Variants in PCNX3 observed in about 807,000 individuals in gnomAD.
The protein encoded by PCNX3 is pecanex 3, also known as pecanex-like protein 3.
In PCNX3, 58 loss-of-function variants were observed where a neutral mutation model predicts 207.2. That is an observed-to-expected ratio of 0.28 (90% CI 0.23 to 0.35). The LOEUF (loss-of-function observed/expected upper bound fraction) is 0.35, where lower values mean the gene tolerates loss of function less well. Among genes scored for constraint, PCNX3 ranks in the 10% least tolerant of loss-of-function variants. The pLI, the probability that PCNX3 is intolerant of heterozygous loss-of-function variation, is 1.00. For missense variants in PCNX3, 2,410 were observed against 2,774.4 expected (o/e 0.87, Z 2.95); for synonymous variants, 1,337 against 1,183.5 (o/e 1.13, Z -2.66).
At chr11:65,630,793 A>T (rs1285096557) in intron 27 of PCNX3, among the ~76,000 whole-genome samples, 189 bp downstream of exon 27, 1 of 152,190 alleles carries the variant, frequency 6.6e-6, no homozygotes, top group Non-Finnish European at 1.5e-5. Flanking sequence ...CTCTGTGCCC[A>T]TATGGCTCTG....
Position 65,630,342 on chromosome 11 carries a change from C to T in PCNX3, c.4217-9C>T, listed in dbSNP as rs375097774. 49 of 1,612,374 alleles carry T rather than the reference C, an allele frequency of 3.0e-5. No individual in the cohort carries two copies. The African/African-American group carries it at 4.7e-4, about 15-fold the overall frequency. On this transcript the variant is annotated splice_polypyrimidine_tract_variant and intron_variant, in intron 26 of 34. Transcript: ENST00000355703. The stretch of plus-strand genomic sequence containing the variant: ...TAGCAGCCCCTGACTGCACACCCCT[C>T]CTCCACAGGCACTTACTGCCAGCAG...
intron 3 of PCNX3, 52 bp from the exon 4 acceptor site, chr11:65,617,418 C>T: frequency 6.2e-7 from 1 of 1,613,808 alleles, no homozygotes; most frequent in Non-Finnish European, 8.5e-7. Flanking sequence ...TGGGTGCATC[C>T]TGAGCCTACT....
rs781436467 is a variant in PCNX3 at position 65,628,896 on chromosome 11, G to A, written c.3889G>A (p.Val1297Ile). 1.1e-5 allele frequency: 17 copies of A among 1,612,632 alleles called. No homozygotes were observed. The highest frequency in any genetic ancestry group is 4.0e-5 in the African/African-American group (3 of 75,038). Residue 1297 changes from valine to isoleucine, a missense_variant, in exon 24 of 35, where the codon GTC (valine) becomes ATC (isoleucine). Val to Ile is a conservative substitution (Grantham distance 29). Around this residue, in one of 8 missense-constraint regions of PCNX3, gnomAD observed 420 missense variants for 705.3 expected, o/e 0.60. Coordinates refer to ENST00000355703, the MANE Select transcript of PCNX3 (RefSeq NM_032223.4). ...TCTCAACCCACTGCTAGGCAGTGCC[G>A]TCTTCATCATGTCCTACGCTCGGCC... ...TPLNPLLGSA[V>I]FIMSYARPLK...
chr11:65,620,997 G>A (rs1374374776), intron 10 of PCNX3, 31 bp downstream of exon 10: 19 of 1,508,274 alleles, frequency 1.3e-5, no homozygotes, highest in Admixed American at 2.0e-5. Flanking sequence ...GGCCGTGCCA[G>A]TGGGGCGTGA....
Position 65,623,913 on chromosome 11 carries a change from G to A in PCNX3, c.2512-16G>A, listed in dbSNP as rs1453220777. The A allele has an allele frequency of 1.2e-6, 2 of 1,612,654 alleles. No homozygotes were observed. The highest frequency in any genetic ancestry group is 1.7e-6 in the Non-Finnish European group (2 of 1,179,876). Reference sequence around the variant, plus strand: ...GGCATCGGCTCTAGTTGCCAACGTAGCCCTGTCTCTTCCAGAGCGTGCAGC... The same window carrying A: ...GGCATCGGCTCTAGTTGCCAACGTAACCCTGTCTCTTCCAGAGCGTGCAGC... On this transcript the variant is annotated splice_polypyrimidine_tract_variant and intron_variant, in intron 12 of 34. Coordinates refer to ENST00000355703, the MANE Select transcript of PCNX3 (RefSeq NM_032223.4).
intron 27 of PCNX3, among the ~76,000 whole-genome samples, chr11:65,633,351 T>G (rs1855690733): frequency 6.6e-6 from 1 of 152,212 alleles, no homozygotes; most frequent in Non-Finnish European, 1.5e-5. Flanking sequence ...TGCCCGTGGC[T>G]TTTTTCTGAG....
rs1392161587 is a variant in PCNX3, at chr11:65,627,003, T to G, written c.3479T>G (p.Val1160Gly). Residue 1160 changes from valine to glycine, a missense_variant, in exon 21 of 35, where the codon GTG becomes GGG. This residue lies in a region of PCNX3 where 333 missense variants were observed against 386.8 expected (regional missense o/e 0.86). Coordinates refer to ENST00000355703, the MANE Select transcript of PCNX3 (RefSeq NM_032223.4). ...GCCGTGGTGCTCAACGCCCTCACGG[T>G]GGACGCCCACACAGTCGTCAGCCAC... Reference protein sequence around the residue: ...YPAVVLNALTVDAHTVVSHPD... With the variant: ...YPAVVLNALTGDAHTVVSHPD... 1 of 1,547,788 alleles carries G rather than the reference T, an allele frequency of 6.5e-7. No homozygotes were observed. The highest frequency in any genetic ancestry group is 2.4e-5 in the East Asian group (1 of 41,058).
At chr11:65,626,633 A>C in intron 20 of PCNX3, 2 of 516,024 alleles carry the variant, frequency 3.9e-6, no homozygotes, top group Non-Finnish European at 3.5e-6. Context: ...AGCCTGCTGT[A>C]CGTAGGTGTT....
chr11:65,626,271 G>T (rs1230737362), intron 20 of PCNX3: 7 of 721,486 alleles, frequency 9.7e-6, no homozygotes, highest in Non-Finnish European at 1.7e-5. Flanking sequence ...TCCCTTGCCT[G>T]TGTTGCCCTG....
Position 65,616,271 on chromosome 11 carries a change from A to C in PCNX3, c.-41A>C. The C allele has an allele frequency of 6.7e-7, 1 of 1,492,620 alleles. No homozygotes were observed. The allele number at this position is 1,492,620 out of a possible 1,614,324, so 92.5% of individuals were successfully genotyped here. A position where few individuals can be genotyped will look rare whatever the true frequency, so the allele number is the denominator to read the frequency against. ...GCATGGGCCGGGGGCCGCCCCCATG[A>C]GGGTCCCGGGAGGGGGGGCGCGGGC... is the stretch of plus-strand genomic sequence containing the variant. On this transcript the variant is annotated 5_prime_UTR_variant, in exon 1 of 35. It removes the in-frame stop codon of an upstream open reading frame in the 5' UTR. Coordinates refer to ENST00000355703, the MANE Select transcript of PCNX3 (RefSeq NM_032223.4).
chr11:65,620,291 G>A (rs773760123), intron 8 of PCNX3, 48 bp from the exon 9 acceptor site: 32 of 1,565,778 alleles, frequency 2.0e-5, no homozygotes, highest in Non-Finnish European at 2.8e-5. Flanking sequence ...CCGGGCCTTG[G>A]TGCTTCTGTC....
rs779880499 is a variant in PCNX3 at position 65,634,320 on chromosome 11, C to T, written c.4665C>T (p.Leu1555=). ...LSLPSFCAVH[L]EWIQYCASRR... ...TGCCCTCCTTTTGTGCTGTGCACCT[C>T]GAGTGGATCCAGTACTGCGCCTCCC... is the stretch of plus-strand genomic sequence containing the variant. Residue 1555 remains leucine, a synonymous_variant, in exon 28 of 35, where the codon CTC becomes CTT. Coordinates refer to ENST00000355703, the MANE Select transcript of PCNX3 (RefSeq NM_032223.4). 19 of 1,603,698 alleles carry T rather than the reference C, an allele frequency of 1.2e-5. No individual in the cohort carries two copies. The African/African-American group carries it at 1.2e-4, about 10-fold the overall frequency.
At position 65,637,306 on chromosome 11, in the gene PCNX3, G is replaced by T; in HGVS notation, c.*328G>T. The T allele has an allele frequency of 3.1e-6, 1 of 323,488 alleles. No individual in the cohort carries two copies. The highest frequency in any genetic ancestry group is 5.2e-5 in the East Asian group (1 of 19,298). The allele number at this position is 323,488 out of a possible 1,614,324, so 20.0% of individuals were successfully genotyped here. A position where few individuals can be genotyped will look rare whatever the true frequency, so the allele number is the denominator to read the frequency against. On this transcript the variant is annotated 3_prime_UTR_variant, in exon 35 of 35. Coordinates refer to ENST00000355703, the MANE Select transcript of PCNX3 (RefSeq NM_032223.4). ...CTGGGCCTGCACTGCCTGCAGGTGT[G>T]GCCCCCTTGGCCTGGACCTGGGGCC...
chr11:65,617,681 G>A lies in PCNX3; in HGVS notation c.552G>A (p.Leu184=). The change falls in exon 5 of 35, where the codon CTG becomes CTA. Residue 184 remains leucine, a synonymous_variant. Coordinates refer to ENST00000355703, the MANE Select transcript of PCNX3 (RefSeq NM_032223.4). Reference sequence around the variant, plus strand: ...TGACTTCTGCCGACCGAGAGATGCTGAAGCTCAGCTCGCAGGAGAAACTGA... The same window carrying A: ...TGACTTCTGCCGACCGAGAGATGCTAAAGCTCAGCTCGCAGGAGAAACTGA... ...VIVTSADREM[L]KLSSQEKLIG... The A allele has an allele frequency of 6.3e-7, 1 of 1,577,280 alleles. No homozygotes were observed.
chr11:65,617,008 C>T lies in PCNX3; in HGVS notation c.338C>T (p.Pro113Leu). The part of the protein sequence containing the change: ...EEPAQGDSNP[P>L]RDPGVEMTVF... ...CCTGCCCAGGGGGACAGCAATCCAC[C>T]CAGGTGGGTGGGGTAGGGGCTGTGC... is the stretch of plus-strand genomic sequence containing the variant. The change falls in exon 2 of 35, where the codon CCC (proline) becomes CTC (leucine). Residue 113 changes from proline (P) to leucine (L), a missense_variant. Around this residue, in one of 8 missense-constraint regions of PCNX3, gnomAD observed 1,104 missense variants for 970.3 expected, o/e 1.14. Coordinates refer to ENST00000355703, the MANE Select transcript of PCNX3 (RefSeq NM_032223.4). The T allele has an allele frequency of 3.7e-6, 6 of 1,607,172 alleles. No individual in the cohort carries two copies. Among genetic ancestry groups the T allele is most frequent in the Admixed American group, 1.7e-5 (1 of 59,038 alleles).
In PCNX3 at chr11:65,618,909, C is replaced by T. The variant is rs1854913739; in HGVS notation, c.1547C>T (p.Pro516Leu). The T allele has an allele frequency of 1.9e-6, 3 of 1,608,984 alleles. No individual in the cohort carries two copies. Among genetic ancestry groups the T allele is most frequent in the African/African-American group, 1.3e-5 (1 of 74,848 alleles). The change falls in exon 6 of 35, where the codon CCC becomes CTC. Residue 516 changes from proline (P) to leucine (L), a missense_variant. By Grantham distance (98) the Pro-to-Leu change is moderately conservative. Transcript: ENST00000355703. ...GGGGCTGGGGGTGATGTTCTGAGGCCCCCACTGGCTGGCTGCAAGGCAGAG... is the reference window on the plus strand; with the variant it reads ...GGGGCTGGGGGTGATGTTCTGAGGCTCCCACTGGCTGGCTGCAAGGCAGAG... ...MDGAGGDVLR[P>L]PLAGCKAELE... is the part of the protein sequence containing the mutation.
In PCNX3 at chr11:65,624,348, G is replaced by GC; in HGVS notation, c.2701dup (p.Arg901ProfsTer120). On this transcript the variant is annotated frameshift_variant, in exon 14 of 35. Transcript: ENST00000355703. LOFTEE classifies it high-confidence loss of function. ...CTTCTCTGCCTCCTTCTTCTTCTGT[G>GC]CCCGAGACGTGGCCACTGGTGAGGC... 6.4e-7 allele frequency: 1 copy of GC among 1,556,120 alleles called. No homozygotes were observed. Among genetic ancestry groups the GC allele is most frequent in the Non-Finnish European group, 8.7e-7 (1 of 1,149,496 alleles).
chr11:65,632,494 G>C (rs936790123), intron 27 of PCNX3, among the ~76,000 whole-genome samples: 1 of 145,102 alleles, frequency 6.9e-6, no homozygotes, highest in Non-Finnish European at 1.5e-5. Context: ...AGGGCTACAA[G>C]AGCAGGAAAA....
Position 65,635,274 on chromosome 11 carries a change from T to C in PCNX3, c.5010T>C (p.Ile1670=). 6.3e-7 allele frequency: 1 copy of C among 1,591,106 alleles called. No individual in the cohort carries two copies. The highest frequency in any genetic ancestry group is 1.1e-5 in the South Asian group (1 of 88,506). Residue 1670 remains isoleucine (I), a synonymous_variant, in exon 31 of 35, where the codon ATT becomes ATC. Coordinates refer to ENST00000355703, the MANE Select transcript of PCNX3 (RefSeq NM_032223.4). This position sits in a 1 kb window ranked among gnomAD's most constrained non-coding sequence, Gnocchi z 9.9. The part of the protein sequence containing the change: ...YEEPAALYDA[I]AANEERLVIS... The stretch of plus-strand genomic sequence containing the variant: ...AGCCAGCAGCCCTATACGATGCCAT[T>C]GCGGCCAACGAGGAGCGGCTGGTCA...
Sources: allele counts gnomAD v4.1 joint callset (sites outside exome capture counted in the v4.1 genomes callset), GRCh38; gene constraint gnomAD v4.1.1; regional missense constraint gnomAD v4.1.1; non-coding constraint Gnocchi (gnomAD v3.1); transcripts MANE v1.5; gene names NCBI Gene and HGNC (gene_info 2026-07-23, HGNC 2026-07-21).